Variants in DLG2 observed in about 807,000 individuals in gnomAD.
The protein encoded by DLG2 is discs large MAGUK scaffold protein 2, also known as disks large homolog 2.
In DLG2, 45 loss-of-function variants were observed where a neutral mutation model predicts 132.5. That is an observed-to-expected ratio of 0.34 (90% CI 0.27 to 0.44). The LOEUF is 0.44. Among genes scored for constraint, DLG2 ranks in the 20% least tolerant of loss-of-function variants. The probability of loss-of-function intolerance (pLI) is 1.00; values close to 1 mark genes in which losing one functional copy is unlikely to be tolerated. For missense variants in DLG2, 1,045 were observed against 1,196.9 expected, an observed-to-expected ratio of 0.87 and a Z score of 1.87; for synonymous variants, 424 against 419.6, an observed-to-expected ratio of 1.01 and a Z score of -0.13.
At chr11:85,197,522 C>A (rs2081160430) in intron 4 of DLG2, among the ~76,000 whole-genome samples, 1 of 152,086 alleles carries the variant, frequency 6.6e-6, no homozygotes, top group South Asian at 2.1e-4. Context: ...AAAAGCTATA[C>A]AATTATCTGT....
intron 17 of DLG2, among the ~76,000 whole-genome samples, chr11:83,829,126 A>G (rs2053744215): frequency 6.6e-6 from 1 of 151,470 alleles, no homozygotes; most frequent in African/African-American, 2.4e-5. Flanking sequence ...AAACTACTAC[A>G]TTATTGTTAA....
chr11:84,940,619 CTG>C (rs1203887918), intron 6 of DLG2, among the ~76,000 whole-genome samples: 1 of 152,176 alleles, frequency 6.6e-6, no homozygotes, highest in African/African-American at 2.4e-5. Context: ...AGTATATATT[CTG>C]TCTCTTAATC....
chr11:85,205,818 C>T (rs921006779), intron 4 of DLG2, among the ~76,000 whole-genome samples: 1 of 152,160 alleles, frequency 6.6e-6, no homozygotes, highest in Non-Finnish European at 1.5e-5. Context: ...ACTATATCTT[C>T]TCCTTGTATC....
intron 6 of DLG2, among the ~76,000 whole-genome samples, chr11:84,771,381 C>CA (rs1565918404): frequency 6.6e-6 from 1 of 151,976 alleles, no homozygotes; most frequent in Non-Finnish European, 1.5e-5. Context: ...TGATACTGAG[C>CA]TTTTTTTCAT....
At chr11:83,825,011 G>A (rs1006798577) in intron 17 of DLG2, among the ~76,000 whole-genome samples, 4 of 151,202 alleles carry the variant, frequency 2.6e-5, no homozygotes, top group Non-Finnish European at 5.9e-5. Flanking sequence ...AGTTTGCTGA[G>A]TGCCCACAGA....
chr11:83,954,878 A>G (rs938919757), intron 14 of DLG2, among the ~76,000 whole-genome samples: 2 of 152,254 alleles, frequency 1.3e-5, no homozygotes, highest in African/African-American at 4.8e-5. Context: ...AAGATTCTCA[A>G]TAAAGCAGTC....
intron 4 of DLG2, among the ~76,000 whole-genome samples, chr11:85,246,809 C>A (rs2076155838): frequency 6.6e-6 from 1 of 152,012 alleles, no homozygotes; most frequent in South Asian, 2.1e-4. Flanking sequence ...GAACATAAGT[C>A]TATATCCAAT....
intron 3 of DLG2, among the ~76,000 whole-genome samples, chr11:85,460,894 T>C (rs888487578): frequency 2.0e-5 from 3 of 152,222 alleles, no homozygotes; most frequent in African/African-American, 7.2e-5. Context: ...TGGTTAGGTT[T>C]TATTTGGGAT....
At chr11:83,851,351 G>T (rs113467242) in intron 16 of DLG2, among the ~76,000 whole-genome samples, 11,814 of 152,148 alleles carry the variant, frequency 0.078, 582 homozygotes, top group African/African-American at 0.14. Flanking sequence ...AGGGCTGGGC[G>T]GGGTGGCTCA....
chr11:85,140,413 A>T (rs2076390594), intron 5 of DLG2, among the ~76,000 whole-genome samples: 1 of 151,982 alleles, frequency 6.6e-6, no homozygotes, highest in Non-Finnish European at 1.5e-5. Flanking sequence ...TTTTGTAGAA[A>T]ATATGCATTT....
chr11:84,329,481 T>G (rs2098448745), intron 7 of DLG2, among the ~76,000 whole-genome samples: 1 of 152,200 alleles, frequency 6.6e-6, no homozygotes, highest in Non-Finnish European at 1.5e-5. Context: ...TTTCCCACTT[T>G]GCTTAGCATT....
At chr11:84,051,272 G>A (rs1394473464) in intron 11 of DLG2, among the ~76,000 whole-genome samples, 3 of 151,808 alleles carry the variant, frequency 2.0e-5, no homozygotes, top group Admixed American at 2.0e-4. Context: ...TCCCATTACT[G>A]GGTATATACC....
At chr11:83,832,836 C>T (rs930549088) in intron 17 of DLG2, among the ~76,000 whole-genome samples, 4 of 152,066 alleles carry the variant, frequency 2.6e-5, no homozygotes, top group Non-Finnish European at 4.4e-5. Context: ...TGAATGGTGC[C>T]ACTGCTACAA....
intron 7 of DLG2, among the ~76,000 whole-genome samples, chr11:84,400,806 T>C (rs1157971081): frequency 6.6e-6 from 1 of 152,174 alleles, no homozygotes; most frequent in African/African-American, 2.4e-5. Flanking sequence ...ATATTTTGAT[T>C]ATAGTTGTGT....
intron 3 of DLG2, among the ~76,000 whole-genome samples, chr11:85,398,921 T>A (rs983307518): frequency 2.0e-4 from 30 of 152,144 alleles, no homozygotes; most frequent in Non-Finnish European, 4.0e-4. Context: ...AACACTATGT[T>A]CTGGCCAGGG....
At chr11:83,801,679 G>A (rs2044424966) in intron 17 of DLG2, among the ~76,000 whole-genome samples, 1 of 152,064 alleles carries the variant, frequency 6.6e-6, no homozygotes, top group African/African-American at 2.4e-5. Context: ...CACATTGAAA[G>A]TAGCCTCCCA....
intron 3 of DLG2, among the ~76,000 whole-genome samples, chr11:85,378,201 T>C (rs1303898987): frequency 2.0e-5 from 3 of 152,092 alleles, no homozygotes; most frequent in African/African-American, 4.8e-5. Flanking sequence ...CATACAGAAA[T>C]TGGAGAAATA....
chr11:83,802,066 A>G (rs1219796081), intron 17 of DLG2, among the ~76,000 whole-genome samples: 2 of 150,832 alleles, frequency 1.3e-5, no homozygotes, highest in Non-Finnish European at 3.0e-5. Flanking sequence ...GAGGCCCAAG[A>G]CTTTTTTTTT....
intron 4 of DLG2, among the ~76,000 whole-genome samples, chr11:85,206,344 T>A (rs1227327907): frequency 6.6e-6 from 1 of 152,146 alleles, no homozygotes; most frequent in African/African-American, 2.4e-5. Context: ...AACAGACTAA[T>A]ACATAGTAGA....
Sources: gnomAD v4.1 joint callset for allele counts (sites outside exome capture counted in the v4.1 genomes callset) on GRCh38, gnomAD v4.1.1 for gene constraint, MANE v1.5 for transcripts, NCBI Gene and HGNC (gene_info 2026-07-23, HGNC 2026-07-21) for gene names.